Variants in SUMF1 observed in about 807,000 individuals in gnomAD.
SUMF1 encodes sulfatase modifying factor 1.
Under a neutral mutation model 47.6 loss-of-function variants are expected in SUMF1, and 48 were observed. The ratio of observed to expected loss-of-function variants is 1.01; its 90% CI spans 0.80 to 1.28. The LOEUF (loss-of-function observed/expected upper bound fraction) is 1.28. Among genes scored for constraint, SUMF1 ranks in the 50% most tolerant of loss-of-function variants. The pLI is 0.00. For missense variants in SUMF1, 571 were observed against 485.4 expected, an observed-to-expected ratio of 1.18 and a Z score of -1.66; for synonymous variants, 230 against 192.1, an observed-to-expected ratio of 1.20 and a Z score of -1.63.
At chr3:4,449,174 G>A in intron 3 of SUMF1, 92 bp downstream of exon 3, 2 of 1,332,896 alleles carry the variant, frequency 1.5e-6, no homozygotes, top group East Asian at 2.3e-5. Context: ...GTTACAGGGA[G>A]AGGAAGGTGA....
chr3:4,375,338 G>A (rs1379682515), intron 8 of SUMF1, among the ~76,000 whole-genome samples: 1 of 151,984 alleles, frequency 6.6e-6, no homozygotes, highest in African/African-American at 2.4e-5. Context: ...TTTGCTTTAG[G>A]CTAGTGATTC....
intron 8 of SUMF1, among the ~76,000 whole-genome samples, chr3:4,253,444 A>G (rs944277968): frequency 6.6e-6 from 1 of 152,192 alleles, no homozygotes; most frequent in African/African-American, 2.4e-5. Flanking sequence ...GCATTGCCTC[A>G]CCTGGGAAGC....
chr3:4,435,689 A>G (rs1702374992), intron 3 of SUMF1, among the ~76,000 whole-genome samples: 1 of 152,202 alleles, frequency 6.6e-6, no homozygotes, highest in African/African-American at 2.4e-5. Flanking sequence ...GTTTGAAATG[A>G]CTGTCATCAG....
At chr3:4,393,115 G>T (rs546128589) in intron 7 of SUMF1, among the ~76,000 whole-genome samples, 1 of 152,006 alleles carries the variant, frequency 6.6e-6, no homozygotes, top group Non-Finnish European at 1.5e-5. Context: ...TGTTACTTGC[G>T]CGATCTCCCT....
chr3:4,096,644 A>G (rs1187261540), intron 8 of SUMF1, among the ~76,000 whole-genome samples: 2 of 152,128 alleles, frequency 1.3e-5, no homozygotes, highest in Non-Finnish European at 2.9e-5. Context: ...TTATCATGAT[A>G]GCCATGGTCA....
intron 9 of SUMF1, among the ~76,000 whole-genome samples, chr3:4,068,262 A>G (rs1695425782): frequency 1.3e-5 from 2 of 149,766 alleles, no homozygotes; most frequent in South Asian, 4.3e-4. Flanking sequence ...TGCTCAGTGG[A>G]ATGTGTTCTT....
intron 8 of SUMF1, among the ~76,000 whole-genome samples, chr3:4,353,643 T>G (rs1222879025): frequency 3.9e-5 from 6 of 152,288 alleles, no homozygotes; most frequent in Non-Finnish European, 4.4e-5. Context: ...CTGTATACTC[T>G]TAGATAATTT....
At chr3:4,167,894 G>C (rs1247839344) in intron 8 of SUMF1, among the ~76,000 whole-genome samples, 3 of 152,180 alleles carry the variant, frequency 2.0e-5, no homozygotes, top group Non-Finnish European at 4.4e-5. Flanking sequence ...TTTAGATATA[G>C]GAGGAAGATA....
chr3:4,310,806 T>C (rs1458341149), intron 8 of SUMF1, among the ~76,000 whole-genome samples: 1 of 152,202 alleles, frequency 6.6e-6, no homozygotes, highest in East Asian at 1.9e-4. Flanking sequence ...TAGTGATTTA[T>C]ATAGTACCTT....
rs531928569 is a variant in SUMF1, at chr3:4,407,819, T to C, written c.954+3046A>G. Among the ~76,000 whole-genome samples the C allele has an allele frequency of 2.2e-3, 341 of 152,256 alleles. 3 individuals are homozygous for C. The highest frequency in any genetic ancestry group is 7.8e-3 in the African/African-American group (324 of 41,544). ...CTGAGCAGAACTTTCAATAGACTCA[T>C]GGCCTGAGGATATAAAAAATTGGAG... On this transcript the variant is annotated intron_variant, in intron 7 of 8. Transcript: ENST00000272902.
intron 8 of SUMF1, among the ~76,000 whole-genome samples, chr3:4,229,983 A>G (rs1696262952): frequency 6.6e-6 from 1 of 152,114 alleles, no homozygotes; most frequent in Non-Finnish European, 1.5e-5. Context: ...ATTGCACTCC[A>G]GCTTGGGTGA....
chr3:4,420,010 G>T, intron 4 of SUMF1, 54 bp downstream of exon 4: 1 of 1,449,146 alleles, frequency 6.9e-7, no homozygotes, highest in Non-Finnish European at 9.7e-7. Flanking sequence ...AAGAGCAAAG[G>T]GTACCTATTT....
chr3:4,289,015 A>T (rs1309055829), intron 8 of SUMF1, among the ~76,000 whole-genome samples: 2 of 152,192 alleles, frequency 1.3e-5, no homozygotes, highest in African/African-American at 4.8e-5. Flanking sequence ...ATTATCACAC[A>T]ACCTTTTCTG....
At chr3:4,246,773 G>T (rs1273047694) in intron 8 of SUMF1, among the ~76,000 whole-genome samples, 2 of 152,078 alleles carry the variant, frequency 1.3e-5, no homozygotes, top group Non-Finnish European at 2.9e-5. Context: ...TGAGTTAGCA[G>T]CTCTAACCAA....
chr3:4,129,181 C>A (rs557965612), intron 8 of SUMF1, among the ~76,000 whole-genome samples: 1 of 152,124 alleles, frequency 6.6e-6, no homozygotes, highest in Middle Eastern at 3.4e-3. Context: ...TCATATCTAA[C>A]GGTGGGAATG....
chr3:4,378,405 G>GT (rs1352838477), intron 7 of SUMF1, among the ~76,000 whole-genome samples: 2 of 152,182 alleles, frequency 1.3e-5, no homozygotes, highest in Non-Finnish European at 2.9e-5. Context: ...TCAAACCATT[G>GT]TAAGTAGGGG....
At chr3:4,428,976 G>A (rs867351044) in intron 3 of SUMF1, among the ~76,000 whole-genome samples, 1 of 152,064 alleles carries the variant, frequency 6.6e-6, no homozygotes. Flanking sequence ...CACTTTCAGT[G>A]GCTACCAATA....
At chr3:4,143,988 C>CT (rs10598580) in intron 8 of SUMF1, among the ~76,000 whole-genome samples, 2,993 of 85,616 alleles carry the variant, frequency 0.035, 62 homozygotes, top group Non-Finnish European at 0.059. Context: ...TCTTCTCTCT[C>CT]TTTTTTTTTT....
intron 8 of SUMF1, among the ~76,000 whole-genome samples, chr3:4,199,048 T>C (rs563026007): frequency 2.0e-5 from 3 of 151,936 alleles, no homozygotes; most frequent in Non-Finnish European, 4.4e-5. Flanking sequence ...AGTTTACAGA[T>C]CAAATGAGTT....
Sources: gnomAD v4.1 joint callset for allele counts (sites outside exome capture counted in the v4.1 genomes callset) on GRCh38, gnomAD v4.1.1 for gene constraint, MANE v1.5 for transcripts, NCBI Gene and HGNC (gene_info 2026-07-23, HGNC 2026-07-21) for gene names.